STK10: variants seen among roughly 807,000 people sequenced by gnomAD.
The protein encoded by STK10 is serine/threonine kinase 10.
Under a neutral mutation model 113.8 loss-of-function variants are expected in STK10, and 78 were observed. That is an observed-to-expected ratio of 0.69 (90% confidence interval 0.57 to 0.83). The LOEUF is 0.83. STK10 is among the 40% of genes least tolerant of loss of function. The pLI is 0.00. For synonymous variants in STK10, 465 were observed against 494.7 expected, an observed-to-expected ratio of 0.94 and a Z score of 0.80; for missense variants, 1,109 against 1,280.1, an observed-to-expected ratio of 0.87 and a Z score of 2.04.
Position 172,052,938 on chromosome 5 carries a change from C to T in STK10, c.2757G>A (p.Pro919=), listed in dbSNP as rs1238071413. 71 of 1,613,890 alleles carry T rather than the reference C, an allele frequency of 4.4e-5. No individual in the cohort carries two copies. The highest frequency in any genetic ancestry group is 5.4e-5 in the Non-Finnish European group (64 of 1,180,046). Residue 919 remains proline (P), a synonymous_variant, in exon 18 of 19, where the codon CCG becomes CCA. Transcript: ENST00000176763. ...NLKEWRDKLR[P]RKKALEEDLN... Reference sequence around the variant, plus strand: ...GCTCGGATAAAGTTACCTTCTTGCGCGGCCGAAGCTTGTCCCGCCATTCCT... The same window carrying T: ...GCTCGGATAAAGTTACCTTCTTGCGTGGCCGAAGCTTGTCCCGCCATTCCT...
Position 172,156,795 on chromosome 5 carries a change from A to C in STK10, c.157-7T>G. On this transcript the variant is annotated splice_polypyrimidine_tract_variant and splice_region_variant and intron_variant, in intron 1 of 18. Coordinates refer to ENST00000176763, the MANE Select transcript of STK10 (RefSeq NM_005990.4). ...CCGTCTCCTTATTCTTGGCCTGCAA[A>C]GAGGAGATACAGGAGGTCAACAAGG... is the stretch of plus-strand genomic sequence containing the variant. The C allele has an allele frequency of 1.2e-6, 2 of 1,611,528 alleles. No individual in the cohort carries two copies. Among genetic ancestry groups the C allele is most frequent in the Non-Finnish European group, 8.5e-7 (1 of 1,177,952 alleles).
chr5:172,055,203 CTTTTT>C (rs1561788983), intron 16 of STK10, among the ~76,000 whole-genome samples: 1 of 151,922 alleles, frequency 6.6e-6, no homozygotes, highest in Non-Finnish European at 1.5e-5. Context: ...GTGCATCTTT[CTTTTT>C]TGTTTTTTTA....
At chr5:172,053,103 G>C in intron 17 of STK10, 61 bp from the exon 18 acceptor site, 1 of 1,375,194 alleles carries the variant, frequency 7.3e-7, no homozygotes, top group South Asian at 1.2e-5. Context: ...TGAAGACTGA[G>C]ACACACCTCA....
At position 172,156,748 on chromosome 5, in the gene STK10, A is replaced by C; in HGVS notation, c.197T>G (p.Val66Gly). ...CTCCTCCTCACTCTTGGTTTCAATGACTTTGGCCGCAGCCAAAGCACCCGT... is the reference window on the plus strand; with the variant it reads ...CTCCTCCTCACTCTTGGTTTCAATGCCTTTGGCCGCAGCCAAAGCACCCGT... ...KETGALAAAKVIETKSEEELE... is the reference protein window; with the variant it reads ...KETGALAAAKGIETKSEEELE... Residue 66 changes from valine (V) to glycine (G), a missense_variant, in exon 2 of 19, where the codon GTC becomes GGC. Physicochemically the swap from Val to Gly is moderately radical, Grantham distance 109 (BLOSUM62 -3). Coordinates refer to ENST00000176763, the MANE Select transcript of STK10 (RefSeq NM_005990.4). The C allele has an allele frequency of 6.2e-7, 1 of 1,614,064 alleles. No individual in the cohort carries two copies. Among genetic ancestry groups the C allele is most frequent in the African/African-American group, 1.3e-5 (1 of 75,048 alleles).
chr5:172,095,315 C>T (rs1259693640), intron 8 of STK10, among the ~76,000 whole-genome samples: 1 of 152,200 alleles, frequency 6.6e-6, no homozygotes, highest in Non-Finnish European at 1.5e-5. Context: ...CAGTCCCTGC[C>T]TGAAACCCTT....
At chr5:172,114,473 A>ATTTTTTTTTTT (rs546584414) in intron 4 of STK10, 3 of 47,546 alleles carry the variant, frequency 6.3e-5, no homozygotes, top group Non-Finnish European at 9.6e-5. Context: ...ATATATATAT[A>ATTTTTTTTTTT]TTTTTTTTTT....
At chr5:172,047,130 G>A (rs1376675026) in intron 18 of STK10, among the ~76,000 whole-genome samples, 2 of 152,226 alleles carry the variant, frequency 1.3e-5, no homozygotes. Flanking sequence ...ATGCAAGAAT[G>A]TAAAAGACCA....
chr5:172,172,687 G>C (rs2113835017), intron 1 of STK10, among the ~76,000 whole-genome samples: 1 of 152,328 alleles, frequency 6.6e-6, no homozygotes, highest in East Asian at 1.9e-4. Flanking sequence ...CAGGTCAGAA[G>C]CCTCTGAAGT....
chr5:172,184,128 C>T (rs771616707), intron 1 of STK10, among the ~76,000 whole-genome samples: 7 of 152,156 alleles, frequency 4.6e-5, no homozygotes, highest in Admixed American at 2.0e-4. Context: ...CAATTGCTTT[C>T]TCAGGTGCCG....
At chr5:172,157,594 T>C (rs1333086911) in intron 1 of STK10, among the ~76,000 whole-genome samples, 2 of 152,080 alleles carry the variant, frequency 1.3e-5, no homozygotes, top group African/African-American at 4.8e-5. Flanking sequence ...TTAAAAATTT[T>C]TTTTGTTGTT....
intron 4 of STK10, among the ~76,000 whole-genome samples, chr5:172,114,310 GTGTGTA>G (rs796209422): frequency 0.027 from 3,833 of 143,498 alleles, 187 homozygotes; most frequent in African/African-American, 0.11. Context: ...GTGTGTGTGT[GTGTGTA>G]TGTGTGTTTT....
At position 172,093,891 on chromosome 5, in the gene STK10, C is replaced by CT. The variant is rs747393936; in HGVS notation, c.1074_1075insA (p.Glu359ArgfsTer19). 9 of 1,554,210 alleles carry CT rather than the reference C, an allele frequency of 5.8e-6. No individual in the cohort carries two copies. Among genetic ancestry groups the CT allele is most frequent in the Middle Eastern group, 1.7e-4 (1 of 5,784 alleles). On this transcript the variant is annotated frameshift_variant, in exon 9 of 19. Coordinates refer to ENST00000176763, the MANE Select transcript of STK10 (RefSeq NM_005990.4). LOFTEE classifies it high-confidence loss of function. This position sits in a 1 kb window ranked among gnomAD's most constrained non-coding sequence, Gnocchi z 4.1. ...GCCAGCGGGGTGGAAGGTGACTCCTCGAGAGGCTTGTCAGCATTGAGGCTT... is the reference window on the plus strand; with the variant it reads ...GCCAGCGGGGTGGAAGGTGACTCCTCTGAGAGGCTTGTCAGCATTGAGGCTT...
chr5:172,141,658 T>G (rs1769974834), intron 2 of STK10, among the ~76,000 whole-genome samples: 1 of 152,010 alleles, frequency 6.6e-6, no homozygotes, highest in African/African-American at 2.4e-5. Context: ...TAATACACTC[T>G]GGTAAGGGAG....
intron 2 of STK10, among the ~76,000 whole-genome samples, chr5:172,153,316 GAAAGAAAGAAAT>G (rs752207062): frequency 9.6e-6 from 1 of 103,766 alleles, no homozygotes; most frequent in African/African-American, 5.5e-5. Flanking sequence ...AAGAAAGAAA[GAAAGAAAGAAAT>G]GTAAAATGAT....
At chr5:172,090,161 A>G in intron 10 of STK10, 71 bp downstream of exon 10, 1 of 1,577,118 alleles carries the variant, frequency 6.3e-7, no homozygotes. Flanking sequence ...CTCTCACCAA[A>G]GGACCAATGC....
rs539218042 is a variant in STK10, at chr5:172,069,479, T to C, written c.1990-4667A>G. On this transcript the variant is annotated intron_variant, in intron 12 of 18. Coordinates refer to ENST00000176763, the MANE Select transcript of STK10 (RefSeq NM_005990.4). ...ATTATAAAAGGAAGACTCAGTTCAC[T>C]AAGAAAATATGACTATTTTAGTCTT... Among the ~76,000 whole-genome samples the C allele has an allele frequency of 3.9e-5, 6 of 152,324 alleles. No homozygotes were observed. The South Asian group carries it at 1.2e-3, about 32-fold the overall frequency.
intron 2 of STK10, among the ~76,000 whole-genome samples, chr5:172,132,774 A>T (rs1438485935): frequency 6.6e-6 from 1 of 152,194 alleles, no homozygotes; most frequent in African/African-American, 2.4e-5. Flanking sequence ...GTATGTGATC[A>T]ACAAACACTA....
chr5:172,138,820 G>A (rs113311407), intron 2 of STK10, among the ~76,000 whole-genome samples: 20 of 152,156 alleles, frequency 1.3e-4, no homozygotes, highest in African/African-American at 3.9e-4. Context: ...AGACCATCCT[G>A]GCTAACACAG....
At position 172,120,425 on chromosome 5, in the gene STK10, G is replaced by A. The variant is rs1242965141; in HGVS notation, c.371-2795C>T. On this transcript the variant is annotated intron_variant, in intron 3 of 18. Coordinates refer to ENST00000176763, the MANE Select transcript of STK10 (RefSeq NM_005990.4). This position sits in a 1 kb window ranked among gnomAD's most constrained non-coding sequence, Gnocchi z 4.0. ...CCCAGACCAGGGCTCCTGGACCAGGGACCCTTCTCTCTGGAGTCCGCAAGC... is the reference window on the plus strand; with the variant it reads ...CCCAGACCAGGGCTCCTGGACCAGGAACCCTTCTCTCTGGAGTCCGCAAGC... Among the ~76,000 whole-genome samples the A allele has an allele frequency of 2.6e-5, 4 of 152,236 alleles. No homozygotes were observed. In the East Asian group the frequency reaches 7.7e-4, roughly 29 times the overall value.
Sources: gnomAD v4.1 joint callset for allele counts (sites outside exome capture counted in the v4.1 genomes callset) on GRCh38, gnomAD v4.1.1 for gene constraint, Gnocchi (gnomAD v3.1) non-coding constraint, MANE v1.5 for transcripts, NCBI Gene and HGNC (gene_info 2026-07-23, HGNC 2026-07-21) for gene names.